The following ARVCF variants were observed in gnomAD, a reference collection of about 807,000 sequenced individuals.
The protein encoded by ARVCF is ARVCF delta catenin family member, also known as splicing regulator ARVCF.
A neutral mutation model predicts 90.9 loss-of-function variants in ARVCF; 66 were observed. That is an observed-to-expected ratio of 0.73 (90% confidence interval 0.60 to 0.89). The LOEUF is 0.89. Ranked by LOEUF, ARVCF falls within the 40% of genes least tolerant of loss-of-function variation. The pLI, the probability that ARVCF is intolerant of heterozygous loss-of-function variation, is 0.00. For synonymous variants in ARVCF, 653 were observed against 603.4 expected (o/e 1.08, Z -1.21); for missense variants, 1,469 against 1,382.3 (o/e 1.06, Z -1.00).
chr22:19,966,935 C>T (rs174699), downstream of ARVCF: 926,786 of 985,194 alleles, frequency 0.94, 436,956 homozygotes, highest in African/African-American at 0.97. Flanking sequence ...CGCTTCTCCA[C>T]GGCATTAGAT....
At chr22:19,968,453 G>C, downstream of ARVCF, 1 of 1,383,184 alleles carries the variant, frequency 7.2e-7, no homozygotes, top group Non-Finnish European at 1.0e-6. Flanking sequence ...CCGTGGCCTA[G>C]TGAGGAGCAC....
downstream of ARVCF, chr22:19,968,730 G>A: frequency 1.3e-6 from 2 of 1,578,594 alleles, no homozygotes; most frequent in Non-Finnish European, 1.7e-6. Context: ...GCGAAGCAGG[G>A]CCCTGACTGC....
intron 3 of ARVCF, among the ~76,000 whole-genome samples, chr22:19,987,985 C>T (rs1007608337): frequency 6.6e-6 from 1 of 152,158 alleles, no homozygotes; most frequent in African/African-American, 2.4e-5. Flanking sequence ...CCACAAAGGC[C>T]AAGCCAATGG....
chr22:19,967,135 C>T (rs1289684022), downstream of ARVCF: 1 of 1,296,190 alleles, frequency 7.7e-7, no homozygotes. Flanking sequence ...TCTGCCCTTC[C>T]CTCCTTCTTT....
intron 2 of ARVCF, among the ~76,000 whole-genome samples, chr22:20,006,465 G>A (rs893828332): frequency 1.3e-5 from 2 of 150,772 alleles, no homozygotes; most frequent in African/African-American, 4.9e-5. Flanking sequence ...TGTAGTTCCA[G>A]CTACTTGGGA....
At chr22:19,973,816 G>C (rs1022996755) in intron 12 of ARVCF, 23 bp from the exon 13 acceptor site, 14 of 1,592,488 alleles carry the variant, frequency 8.8e-6, no homozygotes, top group Non-Finnish European at 1.2e-5. Flanking sequence ...GGAGAGGGTT[G>C]CTCAGACATA....
intron 5 of ARVCF, chr22:19,980,543 A>C (rs1943435184): frequency 2.7e-6 from 1 of 370,182 alleles, no homozygotes; most frequent in Admixed American, 4.4e-5. Context: ...GAGCAAAACA[A>C]GTTTCTGTGA....
rs200354108 is a variant in ARVCF at position 19,977,372 on chromosome 22, G to C, written c.1870+43C>G. 7 of 1,472,750 alleles carry C rather than the reference G, an allele frequency of 4.8e-6. No individual in the cohort carries two copies. In the Admixed American group the frequency reaches 1.7e-4, roughly 36 times the overall value. 91.2% of individuals were successfully genotyped at this position (1,472,750 alleles called of 1,614,324 possible). On this transcript the variant is annotated intron_variant, in intron 9 of 19. Coordinates refer to ENST00000263207, the MANE Select transcript of ARVCF (RefSeq NM_001670.3). Reference sequence around the variant, plus strand: ...TACAGAGAGCCTTCCGCTGGGGCAGGAGTTGAGATGGTAGAGATGATACCC... The same window carrying C: ...TACAGAGAGCCTTCCGCTGGGGCAGCAGTTGAGATGGTAGAGATGATACCC...
At chr22:19,995,836 A>G (rs1444389597) in intron 2 of ARVCF, among the ~76,000 whole-genome samples, 1 of 151,794 alleles carries the variant, frequency 6.6e-6, no homozygotes, top group Non-Finnish European at 1.5e-5. Flanking sequence ...GCCTCCTCCC[A>G]TACCCCCTTT....
chr22:19,976,471 G>A (rs1478957500), intron 10 of ARVCF, among the ~76,000 whole-genome samples: 1 of 152,194 alleles, frequency 6.6e-6, no homozygotes. Context: ...TGCCCCTAGA[G>A]ATAAGTACCC....
intron 5 of ARVCF, 29 bp from the exon 6 acceptor site, chr22:19,980,271 T>A (rs1253964635): frequency 1.3e-6 from 2 of 1,494,740 alleles, no homozygotes; most frequent in Admixed American, 2.2e-5. Flanking sequence ...CGCGTGGACA[T>A]CGTCACAGCA....
At position 19,986,710 on chromosome 22, in the gene ARVCF, G is replaced by A. The variant is rs114818707; in HGVS notation, c.210+3875C>T. On this transcript the variant is annotated intron_variant, in intron 3 of 19. Transcript: ENST00000263207. ...TGCACAGACAGAAGCCGCTCAGGAA[G>A]GCCCTGGCTCTCCACCCGTGTCCCC... 4.2e-3 allele frequency: 986 copies of A among 237,186 alleles called. 20 individuals are homozygous for A. Among genetic ancestry groups the A allele is most frequent in the African/African-American group, 0.021 (944 of 44,074 alleles). The allele number at this position is 237,186 out of a possible 1,614,324, so 14.7% of individuals were successfully genotyped here. A position where few individuals can be genotyped will look rare whatever the true frequency, so the allele number is the denominator to read the frequency against.
chr22:19,966,436 T>C (rs1261775029), downstream of ARVCF, among the ~76,000 whole-genome samples: 1 of 135,304 alleles, frequency 7.4e-6, no homozygotes, highest in East Asian at 2.2e-4. Flanking sequence ...AGTTCCCCCT[T>C]AAAAAAAAAA....
chr22:19,980,582 G>A (rs114520473), intron 5 of ARVCF: 358 of 281,040 alleles, frequency 1.3e-3, no homozygotes, highest in African/African-American at 6.9e-3. Context: ...TGGAGAGACC[G>A]TCTCACCTCC....
intron 2 of ARVCF, among the ~76,000 whole-genome samples, chr22:20,001,888 A>G (rs1188093993): frequency 6.6e-6 from 1 of 152,254 alleles, no homozygotes; most frequent in African/African-American, 2.4e-5. Flanking sequence ...TAAACAGCAG[A>G]CTGTAGAAAA....
rs551741255 is a variant in ARVCF, at chr22:20,006,011, C to T, written c.-19+4444G>A. Reference sequence around the variant, plus strand: ...TCTCATGATACTAAGTGAAATAAGCCAGTCACAAAAAGACAGATACTGTGA... The same window carrying T: ...TCTCATGATACTAAGTGAAATAAGCTAGTCACAAAAAGACAGATACTGTGA... On this transcript the variant is annotated intron_variant, in intron 2 of 19. Coordinates refer to ENST00000263207, the MANE Select transcript of ARVCF (RefSeq NM_001670.3). 7.9e-5 allele frequency among the ~76,000 whole-genome samples: 12 copies of T among 152,152 alleles called. No homozygotes were observed. In the East Asian group the frequency reaches 2.3e-3, roughly 29 times the overall value.
At position 19,980,071 on chromosome 22, in the gene ARVCF, C is replaced by T. The variant is rs1943402617; in HGVS notation, c.1068G>A (p.Arg356=). 6.3e-7 allele frequency: 1 copy of T among 1,582,144 alleles called. No individual in the cohort carries two copies. The highest frequency in any genetic ancestry group is 1.3e-5 in the African/African-American group (1 of 74,404). Residue 356 remains arginine, a synonymous_variant, in exon 6 of 20, where the codon CGG becomes CGA. Transcript: ENST00000263207. ...CCAGCACCTCAGGCAGCTCAGGGTC[C>T]CGCCAGCGCGGCTCCTTGCGGGCGC... ...VDSARKEPRW[R]DPELPEVLAM... is the part of the protein sequence containing the mutation.
Position 19,978,094 on chromosome 22 carries a change from G to T in ARVCF, c.1581-19C>A. Reference sequence around the variant, plus strand: ...CACATTCCTGTGTGGCCAAGAGCAGGCCAGGTGACCCCTGGCTACCAGAAA... The same window carrying T: ...CACATTCCTGTGTGGCCAAGAGCAGTCCAGGTGACCCCTGGCTACCAGAAA... On this transcript the variant is annotated intron_variant, in intron 7 of 19. Coordinates refer to ENST00000263207, the MANE Select transcript of ARVCF (RefSeq NM_001670.3). 1 of 1,583,634 alleles carries T rather than the reference G, an allele frequency of 6.3e-7. No homozygotes were observed. The highest frequency in any genetic ancestry group is 8.6e-7 in the Non-Finnish European group (1 of 1,164,782).
At chr22:20,010,186 G>T (rs1181537195) in intron 2 of ARVCF, among the ~76,000 whole-genome samples, 2 of 152,204 alleles carry the variant, frequency 1.3e-5, no homozygotes, top group African/African-American at 2.4e-5. Flanking sequence ...TCGTCAGCCA[G>T]CCCCAAACAG....
Sources: allele counts gnomAD v4.1 joint callset (sites outside exome capture counted in the v4.1 genomes callset), GRCh38; gene constraint gnomAD v4.1.1; transcripts MANE v1.5; gene names NCBI Gene and HGNC (gene_info 2026-07-23, HGNC 2026-07-21).